Variants in SLC22A3 observed in about 807,000 individuals in gnomAD.
SLC22A3 encodes the protein EMT organic cation transporter 3.
A neutral mutation model predicts 59.1 loss-of-function variants in SLC22A3; 51 were observed. That is an observed-to-expected ratio of 0.86 (90% confidence interval 0.69 to 1.09). SLC22A3 has a LOEUF of 1.09. Ranked by LOEUF, SLC22A3 falls within the 50% of genes least tolerant of loss-of-function variation. The pLI is 0.00. For synonymous variants in SLC22A3, 325 were observed against 292.0 expected, an observed-to-expected ratio of 1.11 and a Z score of -1.15; for missense variants, 711 against 726.3, an observed-to-expected ratio of 0.98 and a Z score of 0.24.
chr6:160,391,537 G>T (rs533616935), intron 1 of SLC22A3, among the ~76,000 whole-genome samples: 1 of 152,104 alleles, frequency 6.6e-6, no homozygotes, highest in African/African-American at 2.4e-5. Flanking sequence ...TTGGAAAATC[G>T]CCAGAGGACA....
chr6:160,451,262 CATAAT>C lies in SLC22A3; in HGVS notation c.*209_*213del. The C allele has an allele frequency of 3.5e-6, 2 of 568,152 alleles. No homozygotes were observed. The highest frequency in any genetic ancestry group is 3.1e-6 in the Non-Finnish European group (1 of 317,590). 35.2% of individuals were successfully genotyped at this position (568,152 alleles called of 1,614,324 possible). ...AATGCTGTTGAAGTTTCTGGGAACA[CATAAT>C]ATGTAGCCAGTTTAACAAAGAAGCT... On this transcript the variant is annotated 3_prime_UTR_variant, in exon 11 of 11. Transcript: ENST00000275300.
chr6:160,358,475 T>C (rs948964217), intron 1 of SLC22A3, among the ~76,000 whole-genome samples: 1 of 152,168 alleles, frequency 6.6e-6, no homozygotes, highest in African/African-American at 2.4e-5. Flanking sequence ...GGCACCAAGA[T>C]TCCAATACTA....
At position 160,348,526 on chromosome 6, in the gene SLC22A3, T is replaced by C; in HGVS notation, c.107T>C (p.Phe36Ser). ...ACGGGCGTCACCTTCGCCTTCCTCTTCGTCGGCGTGGTCTTCCTGGGCACG... is the reference window on the plus strand; with the variant it reads ...ACGGGCGTCACCTTCGCCTTCCTCTCCGTCGGCGTGGTCTTCCTGGGCACG... Reference protein sequence around the residue: ...CLTGVTFAFLFVGVVFLGTQP... With the variant: ...CLTGVTFAFLSVGVVFLGTQP... The change falls in exon 1 of 11, where the codon TTC (phenylalanine) becomes TCC (serine). Residue 36 changes from phenylalanine (F) to serine (S), a missense_variant. Transcript: ENST00000275300. The C allele has an allele frequency of 6.4e-7, 1 of 1,565,328 alleles. No homozygotes were observed. The highest frequency in any genetic ancestry group is 8.6e-7 in the Non-Finnish European group (1 of 1,163,858).
At chr6:160,370,097 C>T (rs1785347121) in intron 1 of SLC22A3, among the ~76,000 whole-genome samples, 4 of 152,324 alleles carry the variant, frequency 2.6e-5, no homozygotes, top group Admixed American at 2.6e-4. Flanking sequence ...TGGTTCAGAG[C>T]CCCACAGGTG....
At chr6:160,398,144 A>C in intron 2 of SLC22A3, 62 bp downstream of exon 2, 4 of 1,218,766 alleles carry the variant, frequency 3.3e-6, no homozygotes, top group East Asian at 2.4e-5. Context: ...TACGGGGAGA[A>C]AAATGTTTTA....
At chr6:160,400,727 G>T (rs1333892692) in intron 2 of SLC22A3, among the ~76,000 whole-genome samples, 4 of 151,736 alleles carry the variant, frequency 2.6e-5, no homozygotes, top group African/African-American at 9.7e-5. Context: ...GATATGGCAG[G>T]GATGTTGGAA....
chr6:160,449,133 G>A (rs1010497588), intron 10 of SLC22A3, among the ~76,000 whole-genome samples: 2 of 152,072 alleles, frequency 1.3e-5, no homozygotes, highest in Non-Finnish European at 2.9e-5. Context: ...AGGAAAAAAT[G>A]GAAGAAAAGG....
chr6:160,375,753 C>A (rs1031268731), intron 1 of SLC22A3, among the ~76,000 whole-genome samples: 3 of 152,064 alleles, frequency 2.0e-5, no homozygotes, highest in African/African-American at 7.2e-5. Context: ...TAAGAATGAT[C>A]TCTTGAGCCT....
At chr6:160,362,862 A>G (rs1212204476) in intron 1 of SLC22A3, among the ~76,000 whole-genome samples, 2 of 152,182 alleles carry the variant, frequency 1.3e-5, no homozygotes, top group Admixed American at 1.3e-4. Flanking sequence ...GCGCGCTCAG[A>G]GCTCCAACAG....
At chr6:160,410,618 C>G in intron 4 of SLC22A3, 111 bp from the exon 5 acceptor site, 1 of 758,276 alleles carries the variant, frequency 1.3e-6, no homozygotes, top group Non-Finnish European at 2.4e-6. Flanking sequence ...CTTATTGACT[C>G]CTAAATGTAT....
intron 5 of SLC22A3, among the ~76,000 whole-genome samples, chr6:160,416,606 C>A (rs989572330): frequency 3.3e-5 from 5 of 152,162 alleles, no homozygotes; most frequent in Admixed American, 1.3e-4. Flanking sequence ...ATGAGAACTG[C>A]TTTCTGCCCT....
At chr6:160,435,974 G>A (rs138944454) in intron 5 of SLC22A3, among the ~76,000 whole-genome samples, 2,496 of 152,254 alleles carry the variant, frequency 0.016, 29 homozygotes, top group African/African-American at 0.023. Flanking sequence ...ATAGAGGTCC[G>A]GGGAGTAGAG....
intron 1 of SLC22A3, among the ~76,000 whole-genome samples, chr6:160,369,278 T>G (rs1409297567): frequency 6.6e-6 from 1 of 152,242 alleles, no homozygotes; most frequent in Non-Finnish European, 1.5e-5. Context: ...AAATCCATAG[T>G]TATTCTAAAA....
chr6:160,409,015 CTTTTT>C (rs201294592), intron 4 of SLC22A3, 94 bp downstream of exon 4: 15 of 604,060 alleles, frequency 2.5e-5, no homozygotes, highest in Admixed American at 6.9e-5. Context: ...AGAAAATTTT[CTTTTT>C]TTTTTTTTTT....
chr6:160,362,652 G>A (rs1484259916), intron 1 of SLC22A3, among the ~76,000 whole-genome samples: 1 of 152,256 alleles, frequency 6.6e-6, no homozygotes, highest in East Asian at 1.9e-4. Flanking sequence ...TGTCCAGAGA[G>A]GCCGGTCCCC....
At chr6:160,370,603 A>G (rs1199512175) in intron 1 of SLC22A3, among the ~76,000 whole-genome samples, 3 of 152,216 alleles carry the variant, frequency 2.0e-5, no homozygotes, top group African/African-American at 7.2e-5. Context: ...CTATTCTAAT[A>G]CTTTGTAATC....
intron 8 of SLC22A3, 37 bp from the exon 9 acceptor site, chr6:160,443,593 A>G: frequency 7.4e-7 from 1 of 1,356,052 alleles, no homozygotes; most frequent in Non-Finnish European, 1.1e-6. Context: ...TCACTTGTTG[A>G]AATAGTTTTC....
chr6:160,364,174 CATATT>C (rs758522725), intron 1 of SLC22A3, among the ~76,000 whole-genome samples: 27 of 152,022 alleles, frequency 1.8e-4, no homozygotes, highest in Non-Finnish European at 3.7e-4. Flanking sequence ...ATGTTGATGA[CATATT>C]AAGGAAGAAG....
chr6:160,408,623 C>A, intron 3 of SLC22A3, 130 bp from the exon 4 acceptor site: 1 of 802,450 alleles, frequency 1.2e-6, no homozygotes, highest in East Asian at 2.6e-5. Context: ...GTGTGGAAGC[C>A]TCCGTATCTG....
Sources: gnomAD v4.1 joint callset for allele counts (sites outside exome capture counted in the v4.1 genomes callset) on GRCh38, gnomAD v4.1.1 for gene constraint, MANE v1.5 for transcripts, NCBI Gene and HGNC (gene_info 2026-07-23, HGNC 2026-07-21) for gene names.